Variants in DTNB observed in about 807,000 individuals in gnomAD.
DTNB encodes the protein dystrobrevin beta.
In DTNB, 63 loss-of-function variants were observed where a neutral mutation model predicts 90.7. The observed-to-expected ratio is 0.69, with a 90% CI of 0.57 to 0.86. The LOEUF is 0.86. Ranked by LOEUF, DTNB falls within the 40% of genes least tolerant of loss-of-function variation. DTNB has a pLI of 0.00. For synonymous variants in DTNB, 277 were observed against 286.7 expected (o/e 0.97, Z 0.34); for missense variants, 744 against 807.1 (o/e 0.92, Z 0.95).
intron 8 of DTNB, among the ~76,000 whole-genome samples, chr2:25,549,697 T>G (rs982244416): frequency 7.2e-5 from 11 of 152,162 alleles, no homozygotes; most frequent in African/African-American, 2.7e-4. Flanking sequence ...CCTTCTGGGT[T>G]CATTTTCTTT....
At chr2:25,531,365 C>T in intron 9 of DTNB, 108 bp downstream of exon 9, 1 of 1,468,168 alleles carries the variant, frequency 6.8e-7, no homozygotes, top group Non-Finnish European at 9.0e-7. Flanking sequence ...AAGTAAAAAC[C>T]TGAGAAGTTG....
At chr2:25,397,206 A>G (rs1271197217) in intron 16 of DTNB, among the ~76,000 whole-genome samples, 1 of 152,042 alleles carries the variant, frequency 6.6e-6, no homozygotes, top group Non-Finnish European at 1.5e-5. Flanking sequence ...CAAAAAGTAA[A>G]AACAATTCAA....
At chr2:25,458,110 G>A (rs2060330544) in intron 10 of DTNB, among the ~76,000 whole-genome samples, 1 of 152,140 alleles carries the variant, frequency 6.6e-6, no homozygotes, top group South Asian at 2.1e-4. Context: ...TGGGATTACA[G>A]GTGTGAGCCA....
chr2:25,571,232 G>A (rs1006771824), intron 8 of DTNB, among the ~76,000 whole-genome samples: 1 of 152,128 alleles, frequency 6.6e-6, no homozygotes, highest in East Asian at 1.9e-4. Context: ...ACCATATCTT[G>A]TTTTAATTAT....
chr2:25,630,102 G>C (rs2075344568), intron 3 of DTNB, among the ~76,000 whole-genome samples: 2 of 152,090 alleles, frequency 1.3e-5, no homozygotes, highest in African/African-American at 4.8e-5. Flanking sequence ...ATCCAAAGAA[G>C]ATATACAAAT....
At chr2:25,428,895 G>A (rs527991837) in intron 14 of DTNB, among the ~76,000 whole-genome samples, 2 of 152,190 alleles carry the variant, frequency 1.3e-5, no homozygotes, top group South Asian at 4.2e-4. Flanking sequence ...AATATTCTGA[G>A]GATCATATAA....
intron 10 of DTNB, among the ~76,000 whole-genome samples, chr2:25,476,144 C>G (rs1392678718): frequency 6.6e-6 from 1 of 150,776 alleles, no homozygotes; most frequent in African/African-American, 2.4e-5. Context: ...TCTCGGCTCA[C>G]TGCAACCTCC....
chr2:25,662,651 TAC>T (rs371062484), intron 1 of DTNB, among the ~76,000 whole-genome samples: 2,581 of 129,256 alleles, frequency 0.02, 62 homozygotes, highest in African/African-American at 0.059. Flanking sequence ...AATATACAAA[TAC>T]ACACACACAC....
rs549859868 is a variant in DTNB at position 25,521,855 on chromosome 2, A to G, written c.1001+9618T>C. On this transcript the variant is annotated intron_variant, in intron 9 of 20. Coordinates refer to ENST00000406818, the MANE Select transcript of DTNB (RefSeq NM_021907.5). The stretch of plus-strand genomic sequence containing the variant: ...AGTTTGCCCACCCCTATTAAGATGA[A>G]TCCCAGGTGTGTGCAGCGGAAGACA... Among the ~76,000 whole-genome samples, 7 of 152,366 alleles carry G rather than the reference A, an allele frequency of 4.6e-5. No homozygotes were observed. In the East Asian group the frequency reaches 1.3e-3, roughly 29 times the overall value.
chr2:25,494,079 G>A (rs1262184532), intron 9 of DTNB, among the ~76,000 whole-genome samples: 1 of 152,188 alleles, frequency 6.6e-6, no homozygotes, highest in African/African-American at 2.4e-5. Context: ...GCATTGGGGA[G>A]GTTGTGGGGG....
chr2:25,570,642 T>C (rs1344978678), intron 8 of DTNB, among the ~76,000 whole-genome samples: 1 of 152,132 alleles, frequency 6.6e-6, no homozygotes, highest in Non-Finnish European at 1.5e-5. Flanking sequence ...ACACAGTTGA[T>C]CACTTCCTCC....
In DTNB at chr2:25,387,666, C is replaced by T. The variant is rs74840547; in HGVS notation, c.1736-288G>A. Among the ~76,000 whole-genome samples the T allele has an allele frequency of 2.1e-3, 327 of 152,278 alleles. 3 individuals are homozygous for T. The highest frequency in any genetic ancestry group is 7.4e-3 in the African/African-American group (308 of 41,560). ...CTGGGTTCCAGAATAAGCATTCCAC[C>T]GAGGTCTTCCTCAGCCTTGTGGGGG... On this transcript the variant is annotated intron_variant, in intron 17 of 20. Coordinates refer to ENST00000406818, the MANE Select transcript of DTNB (RefSeq NM_021907.5). This position sits in a 1 kb window ranked among gnomAD's most constrained non-coding sequence, Gnocchi z 4.5.
intron 4 of DTNB, among the ~76,000 whole-genome samples, chr2:25,625,114 A>G (rs948792288): frequency 1.3e-5 from 2 of 152,200 alleles, no homozygotes; most frequent in African/African-American, 4.8e-5. Context: ...AAACACAGGG[A>G]CTATAAATTT....
At chr2:25,477,820 G>A (rs2064038376) in intron 10 of DTNB, among the ~76,000 whole-genome samples, 1 of 152,034 alleles carries the variant, frequency 6.6e-6, no homozygotes, top group Admixed American at 6.5e-5. Flanking sequence ...GGGACTATGA[G>A]CCAATCATTC....
At chr2:25,454,247 C>T (rs924493629) in intron 11 of DTNB, among the ~76,000 whole-genome samples, 11 of 151,714 alleles carry the variant, frequency 7.3e-5, no homozygotes, top group Admixed American at 3.9e-4. Flanking sequence ...ATCAGGAAAA[C>T]TATGGAAAAC....
At chr2:25,399,890 T>C (rs2043307114) in intron 16 of DTNB, among the ~76,000 whole-genome samples, 1 of 92,218 alleles carries the variant, frequency 1.1e-5, no homozygotes, top group Non-Finnish European at 2.0e-5. Context: ...TAACCTCGTC[T>C]CAGACATGGC....
Position 25,669,923 on chromosome 2 carries a change from A to G in DTNB, c.-2+3463T>C, listed in dbSNP as rs561455835. ...CTATCTCAAAAAAAAAAAAAAGCCT[A>G]CAACTGAATACACTAAGCAGTTGAA... On this transcript the variant is annotated intron_variant, in intron 1 of 20. Transcript: ENST00000406818. 6.3e-4 allele frequency among the ~76,000 whole-genome samples: 95 copies of G among 151,920 alleles called. 1 individual carries two copies. The highest frequency in any genetic ancestry group is 1.9e-3 in the South Asian group (9 of 4,812).
intron 8 of DTNB, among the ~76,000 whole-genome samples, chr2:25,550,369 T>C (rs1233587447): frequency 3.3e-5 from 5 of 151,890 alleles, no homozygotes; most frequent in African/African-American, 4.8e-5. Flanking sequence ...CCAGCCTGGG[T>C]GAAAGAGCGA....
chr2:25,456,280 G>A (rs1432264386), intron 10 of DTNB, among the ~76,000 whole-genome samples: 1 of 152,164 alleles, frequency 6.6e-6, no homozygotes, highest in East Asian at 1.9e-4. Flanking sequence ...ATTTTGTGCA[G>A]GGACGAGTGG....
Sources: gnomAD v4.1 joint callset for allele counts (sites outside exome capture counted in the v4.1 genomes callset) on GRCh38, gnomAD v4.1.1 for gene constraint, Gnocchi (gnomAD v3.1) non-coding constraint, MANE v1.5 for transcripts, NCBI Gene and HGNC (gene_info 2026-07-23, HGNC 2026-07-21) for gene names.